The following RADIL variants were observed in gnomAD, a reference collection of about 807,000 sequenced individuals.
The protein encoded by RADIL is Rap associating with DIL domain, also known as ras-associating and dilute domain-containing protein.
RADIL carries 99 observed loss-of-function variants against 97.6 expected under a neutral mutation model. The ratio of observed to expected loss-of-function variants is 1.01; its 90% CI spans 0.86 to 1.20. RADIL has a LOEUF of 1.20. Ranked by LOEUF, RADIL falls within the 50% of genes most tolerant of loss-of-function variation. RADIL has a pLI of 0.00. For missense variants in RADIL, 1,765 were observed against 1,498.9 expected (o/e 1.18, Z -2.93); for synonymous variants, 803 against 691.8 (o/e 1.16, Z -2.52).
chr7:4,871,776 C>G (rs1303224678), intron 2 of RADIL, among the ~76,000 whole-genome samples: 1 of 152,200 alleles, frequency 6.6e-6, no homozygotes, highest in Non-Finnish European at 1.5e-5. Flanking sequence ...GGGCACCAAC[C>G]CTTCCACAGG....
rs1008836352 is a variant in RADIL at position 4,817,730 on chromosome 7, G to A, written c.1616-379C>T. Among the ~76,000 whole-genome samples the A allele has an allele frequency of 1.3e-5, 2 of 152,292 alleles. No homozygotes were observed. Among genetic ancestry groups the A allele is most frequent in the East Asian group, 1.9e-4 (1 of 5,178 alleles). ...ACAGGTCACCTCTCACTCGCGACAC[G>A]GGTCACAGGACTCTGGCAGCAGCCC... On this transcript the variant is annotated intron_variant, in intron 6 of 14. Transcript: ENST00000399583. The surrounding 1 kb of genome is among the most constrained non-coding windows in gnomAD (Gnocchi z 8.3).
intron 2 of RADIL, among the ~76,000 whole-genome samples, chr7:4,846,337 G>A (rs1467555168): frequency 6.6e-6 from 1 of 151,830 alleles, no homozygotes; most frequent in Non-Finnish European, 1.5e-5. Flanking sequence ...AGGAGAGACG[G>A]GGTTTCACCA....
At chr7:4,820,329 G>C (rs1782796601) in intron 6 of RADIL, among the ~76,000 whole-genome samples, 1 of 152,232 alleles carries the variant, frequency 6.6e-6, no homozygotes, top group South Asian at 2.1e-4. Context: ...CCCCAGGGGA[G>C]GCCTGTAGCT....
chr7:4,811,142 A>G (rs1227393290), intron 9 of RADIL: 1 of 151,936 alleles, frequency 6.6e-6, no homozygotes. Flanking sequence ...CTCCGTCTCA[A>G]AAAACAAAAA....
chr7:4,805,412 G>C (rs943200306), intron 10 of RADIL, 154 bp downstream of exon 10: 3 of 912,834 alleles, frequency 3.3e-6, no homozygotes, highest in Non-Finnish European at 4.5e-6. Flanking sequence ...GGCGGGGCGG[G>C]GGGGTCCTCT....
chr7:4,834,242 A>G lies in RADIL; in HGVS notation c.1416+365T>C, dbSNP rs967303551. Among the ~76,000 whole-genome samples the G allele has an allele frequency of 2.6e-5, 4 of 152,192 alleles. No homozygotes were observed. The highest frequency in any genetic ancestry group is 1.3e-4 in the Admixed American group (2 of 15,288). ...GGGCAGGGGCCTGTGAGAGCTATCA[A>G]TGTCACCTCGGCCTCGTGGTGCCCA... On this transcript the variant is annotated intron_variant, in intron 4 of 14. Transcript: ENST00000399583. This position sits in a 1 kb window ranked among gnomAD's most constrained non-coding sequence, Gnocchi z 6.0.
chr7:4,877,965 G>T lies in RADIL; in HGVS notation c.175C>A (p.Leu59Met). The change falls in exon 2 of 15, where the codon CTG becomes ATG. Residue 59 changes from leucine (L) to methionine (M), a missense_variant. Leu to Met is a conservative substitution (Grantham distance 15, BLOSUM62 2). Transcript: ENST00000399583. ...SDDPAELSTQ[L>M]SAPGVLKVFG... ...ACCTTCAGGACACCAGGGGCCGACA[G>T]CTGGGTGGAGAGCTCGGCGGGGTCA... is the stretch of plus-strand genomic sequence containing the variant. The T allele has an allele frequency of 6.2e-7, 1 of 1,611,484 alleles. No homozygotes were observed.
Position 4,880,732 on chromosome 7 carries a change from C to A in RADIL, c.-64-2529G>T, listed in dbSNP as rs1784466264. Among the ~76,000 whole-genome samples the A allele has an allele frequency of 6.6e-6, 1 of 152,206 alleles. No individual in the cohort carries two copies. The highest frequency in any genetic ancestry group is 2.4e-5 in the African/African-American group (1 of 41,454). ...CACCAGGCAGCTGTGGCTCAGGAAA[C>A]CTCTGCCTCCGGAGATGAAGTCTGA... is the stretch of plus-strand genomic sequence containing the variant. On this transcript the variant is annotated intron_variant, in intron 1 of 14. Transcript: ENST00000399583. The surrounding 1 kb of genome is among the most constrained non-coding windows in gnomAD (Gnocchi z 4.5).
chr7:4,855,201 C>A (rs987462641), intron 2 of RADIL, among the ~76,000 whole-genome samples: 1 of 152,120 alleles, frequency 6.6e-6, no homozygotes, highest in Non-Finnish European at 1.5e-5. Flanking sequence ...TTGGAACTTT[C>A]GGCTACTACA....
chr7:4,868,662 T>C (rs1411877977), intron 2 of RADIL, among the ~76,000 whole-genome samples: 2 of 152,228 alleles, frequency 1.3e-5, no homozygotes, highest in African/African-American at 4.8e-5. Context: ...ATGCATTACT[T>C]TATTCTAGTT....
At chr7:4,843,823 A>C (rs1470438647) in intron 2 of RADIL, among the ~76,000 whole-genome samples, 2 of 151,448 alleles carry the variant, frequency 1.3e-5, no homozygotes, top group Non-Finnish European at 2.9e-5. Flanking sequence ...GAGACAAGAG[A>C]ATTGCTTGAA....
rs1042175079 is a variant in RADIL, at chr7:4,817,439, C to T, written c.1616-88G>A. ...AGCCAGCCGCCAGCTCTTTCCCTGG[C>T]GCGGGCACCACCCAACGCGCCCATC... On this transcript the variant is annotated intron_variant, in intron 6 of 14. Coordinates refer to ENST00000399583, the MANE Select transcript of RADIL (RefSeq NM_018059.5). The surrounding 1 kb of genome is among the most constrained non-coding windows in gnomAD (Gnocchi z 8.3). The T allele has an allele frequency of 3.7e-5, 45 of 1,203,540 alleles. No homozygotes were observed. In the East Asian group the frequency reaches 5.0e-4, roughly 13 times the overall value. The allele number at this position is 1,203,540 out of a possible 1,614,324, so 74.6% of individuals were successfully genotyped here.
At chr7:4,875,948 T>C (rs932703386) in intron 2 of RADIL, among the ~76,000 whole-genome samples, 7 of 152,124 alleles carry the variant, frequency 4.6e-5, no homozygotes, top group Non-Finnish European at 1.0e-4. Context: ...TTGGGGGTGC[T>C]TGTCTGAGCA....
At chr7:4,844,822 G>A (rs79087478) in intron 2 of RADIL, among the ~76,000 whole-genome samples, 1,727 of 152,116 alleles carry the variant, frequency 0.011, 33 homozygotes, top group African/African-American at 0.038. Flanking sequence ...CAGGCTGGCC[G>A]CAAACTCCTG....
rs1007559227 is a variant in RADIL at position 4,849,700 on chromosome 7, T to A, written c.536-13095A>T. On this transcript the variant is annotated intron_variant, in intron 2 of 14. Coordinates refer to ENST00000399583, the MANE Select transcript of RADIL (RefSeq NM_018059.5). This position sits in a 1 kb window ranked among gnomAD's most constrained non-coding sequence, Gnocchi z 5.4. Reference sequence around the variant, plus strand: ...ATCCTCTTGAGGACAAAGAAAATGATACTGTGTGGGGAGTGTGGACAGGGA... The same window carrying A: ...ATCCTCTTGAGGACAAAGAAAATGAAACTGTGTGGGGAGTGTGGACAGGGA... Among the ~76,000 whole-genome samples the A allele has an allele frequency of 1.3e-5, 2 of 152,164 alleles. No homozygotes were observed. The highest frequency in any genetic ancestry group is 2.4e-5 in the African/African-American group (1 of 41,452).
At position 4,840,981 on chromosome 7, in the gene RADIL, C is replaced by A. The variant is rs1157379817; in HGVS notation, c.536-4376G>T. The stretch of plus-strand genomic sequence containing the variant: ...GACTCCGTCTCAAAACAAAACAAAA[C>A]AACAACAACGAAAAGAAACCACTAT... On this transcript the variant is annotated intron_variant, in intron 2 of 14. Transcript: ENST00000399583. The surrounding 1 kb of genome is among the most constrained non-coding windows in gnomAD (Gnocchi z 5.6). 6.6e-6 allele frequency among the ~76,000 whole-genome samples: 1 copy of A among 152,146 alleles called. No individual in the cohort carries two copies. Among genetic ancestry groups the A allele is most frequent in the Non-Finnish European group, 1.5e-5 (1 of 68,016 alleles).
intron 2 of RADIL, chr7:4,858,474 G>A (rs1205701356): frequency 1.3e-5 from 2 of 152,538 alleles, no homozygotes; most frequent in Non-Finnish European, 1.5e-5. Context: ...CAGAAAGCCA[G>A]TAAGATGTCA....
At chr7:4,868,979 T>A (rs767238760) in intron 2 of RADIL, among the ~76,000 whole-genome samples, 45 of 152,200 alleles carry the variant, frequency 3.0e-4, no homozygotes, top group Admixed American at 7.8e-4. Context: ...ATACAAAAAT[T>A]AGCCGGGCCT....
intron 5 of RADIL, among the ~76,000 whole-genome samples, chr7:4,825,735 G>T (rs1025687078): frequency 2.0e-5 from 3 of 151,998 alleles, no homozygotes; most frequent in African/African-American, 7.2e-5. Flanking sequence ...AATTAGCTGG[G>T]CGTGGTGGCA....
Sources: allele counts gnomAD v4.1 joint callset (sites outside exome capture counted in the v4.1 genomes callset), GRCh38; gene constraint gnomAD v4.1.1; non-coding constraint Gnocchi (gnomAD v3.1); transcripts MANE v1.5; gene names NCBI Gene and HGNC (gene_info 2026-07-23, HGNC 2026-07-21).